CCDC83: variants seen among roughly 807,000 people sequenced by gnomAD.
CCDC83 encodes coiled-coil domain containing 83.
Under a neutral mutation model 50.1 loss-of-function variants are expected in CCDC83, and 54 were observed. That is an observed-to-expected ratio of 1.08 (90% CI 0.87 to 1.35). The LOEUF (loss-of-function observed/expected upper bound fraction) is 1.35, where lower values mean the gene tolerates loss of function less well. Among genes scored for constraint, CCDC83 ranks in the 40% most tolerant of loss-of-function variants. The pLI is 0.00. For missense variants in CCDC83, 518 were observed against 473.9 expected (o/e 1.09, Z -0.86); for synonymous variants, 161 against 153.3 (o/e 1.05, Z -0.37).
chr11:85,912,669 G>C, intron 8 of CCDC83: 1 of 1,609,146 alleles, frequency 6.2e-7, no homozygotes, highest in Non-Finnish European at 8.5e-7. Context: ...CTACATTCCT[G>C]TCCCACCTCT....
chr11:85,859,143 A>C (rs1044582117), intron 1 of CCDC83, among the ~76,000 whole-genome samples: 7 of 149,764 alleles, frequency 4.7e-5, no homozygotes, highest in Non-Finnish European at 1.0e-4. Flanking sequence ...TGGGTAAATA[A>C]AAATCTTGGT....
intron 6 of CCDC83, among the ~76,000 whole-genome samples, chr11:85,896,924 T>C (rs537058103): frequency 6.6e-5 from 10 of 152,352 alleles, no homozygotes; most frequent in South Asian, 2.1e-4. Context: ...GTTGCTGTTA[T>C]TGGTTGCATC....
intron 1 of CCDC83, among the ~76,000 whole-genome samples, chr11:85,857,348 A>G (rs576014011): frequency 1.3e-5 from 2 of 152,388 alleles, no homozygotes; most frequent in East Asian, 3.9e-4. Context: ...ACCATGAGGC[A>G]GCTGCCATTG....
intron 5 of CCDC83, among the ~76,000 whole-genome samples, chr11:85,886,741 T>C (rs115086827): frequency 0.016 from 2,474 of 152,060 alleles, 67 homozygotes; most frequent in African/African-American, 0.055. Flanking sequence ...AGTGAGACCA[T>C]ATCTCTACAA....
Position 85,886,348 on chromosome 11 carries a change from G to A in CCDC83, c.492G>A (p.Glu164=). 6.3e-7 allele frequency: 1 copy of A among 1,591,106 alleles called. No individual in the cohort carries two copies. The highest frequency in any genetic ancestry group is 8.5e-7 in the Non-Finnish European group (1 of 1,172,134). ...AAAATGACATCAACACAGTTAAAGA[G>A]AATGCAGAGAAAATGTCAGGTCAGT... ...SLQNDINTVK[E]NAEKMSEHYK... is the part of the protein sequence containing the mutation. The change falls in exon 5 of 11, where the codon GAG becomes GAA. Residue 164 remains glutamate (E), a synonymous_variant. Transcript: ENST00000342404.
In CCDC83 at chr11:85,911,399, C is replaced by G. The variant is rs747360405; in HGVS notation, c.791C>G (p.Pro264Arg). ...TGTAGACTTGTGGATCTCAAGATAC[C>G]CAGGTGAAAATTGTTAATATATAGA... is the stretch of plus-strand genomic sequence containing the variant. ...SNCRLVDLKI[P>R]RRLYLTQAAG... is the part of the protein sequence containing the mutation. Residue 264 changes from proline (P) to arginine (R), a missense_variant, in exon 8 of 11, where the codon CCC becomes CGC. Pro to Arg is a moderately radical substitution (Grantham distance 103, BLOSUM62 -2). Transcript: ENST00000342404. 4.4e-6 allele frequency: 7 copies of G among 1,581,188 alleles called. No individual in the cohort carries two copies. The highest frequency in any genetic ancestry group is 6.0e-6 in the Non-Finnish European group (7 of 1,166,000).
At chr11:85,858,244 A>G (rs1247753760) in intron 1 of CCDC83, among the ~76,000 whole-genome samples, 25 of 152,160 alleles carry the variant, frequency 1.6e-4, no homozygotes, top group Admixed American at 1.6e-3. Flanking sequence ...TTCCTGCCCA[A>G]GAAGCTGAAT....
intron 7 of CCDC83, among the ~76,000 whole-genome samples, chr11:85,910,297 G>A (rs758172895): frequency 3.9e-5 from 6 of 152,196 alleles, no homozygotes; most frequent in Non-Finnish European, 5.9e-5. Context: ...ATCCTTGAAG[G>A]TTACTACACC....
intron 7 of CCDC83, among the ~76,000 whole-genome samples, chr11:85,910,954 C>T (rs2093450725): frequency 1.3e-5 from 2 of 152,014 alleles, no homozygotes; most frequent in African/African-American, 4.8e-5. Flanking sequence ...GGCAGATCAC[C>T]TGAGGTCAGG....
chr11:85,874,512 C>A (rs1205602859), intron 3 of CCDC83, among the ~76,000 whole-genome samples: 3 of 152,206 alleles, frequency 2.0e-5, no homozygotes, highest in African/African-American at 7.2e-5. Flanking sequence ...TTAGTGGACC[C>A]AGCAGTGAGG....
At chr11:85,878,431 C>A (rs2135020083) in intron 3 of CCDC83, among the ~76,000 whole-genome samples, 1 of 152,304 alleles carries the variant, frequency 6.6e-6, no homozygotes, top group African/African-American at 2.4e-5. Context: ...TGGAATCATA[C>A]AATAAGTAAC....
intron 5 of CCDC83, among the ~76,000 whole-genome samples, chr11:85,894,081 C>A (rs771284296): frequency 2.8e-4 from 42 of 152,062 alleles, no homozygotes; most frequent in Non-Finnish European, 5.0e-4. Flanking sequence ...AAATAAAGTG[C>A]ATATGTAATG....
chr11:85,886,425 A>G (rs2093327352), intron 5 of CCDC83, 58 bp downstream of exon 5: 8 of 1,384,174 alleles, frequency 5.8e-6, no homozygotes, highest in Admixed American at 2.5e-5. Flanking sequence ...TAGGGCATAC[A>G]TTGATGGAAG....
intron 6 of CCDC83, among the ~76,000 whole-genome samples, chr11:85,895,853 G>T (rs547153375): frequency 3.8e-4 from 58 of 152,008 alleles, no homozygotes; most frequent in Admixed American, 3.7e-3. Flanking sequence ...TTGCTCTGTC[G>T]CCCAGGCTGG....
At chr11:85,883,386 A>T (rs894893579) in intron 4 of CCDC83, among the ~76,000 whole-genome samples, 3 of 152,052 alleles carry the variant, frequency 2.0e-5, no homozygotes, top group Admixed American at 6.6e-5. Flanking sequence ...AAACCATGAA[A>T]AATGTTTCTC....
At chr11:85,898,803 C>T (rs192176657) in intron 6 of CCDC83, 144 bp from the exon 7 acceptor site, 2 of 656,514 alleles carry the variant, frequency 3.0e-6, no homozygotes, top group Admixed American at 5.8e-5. Flanking sequence ...GAATGAACAA[C>T]CAAACCAAAA....
intron 3 of CCDC83, among the ~76,000 whole-genome samples, chr11:85,875,481 T>C (rs941216450): frequency 6.6e-6 from 1 of 152,264 alleles, no homozygotes; most frequent in African/African-American, 2.4e-5. Context: ...CCTTTACTCA[T>C]GCTGTTTCCT....
At chr11:85,887,091 C>T (rs1477310785) in intron 5 of CCDC83, among the ~76,000 whole-genome samples, 2 of 151,992 alleles carry the variant, frequency 1.3e-5, no homozygotes, top group Non-Finnish European at 2.9e-5. Context: ...CATGGAGAAA[C>T]GTCAAAGTCA....
At chr11:85,884,949 A>G (rs7105086) in intron 4 of CCDC83, among the ~76,000 whole-genome samples, 87,752 of 152,064 alleles carry the variant, frequency 0.58, 25,652 homozygotes, top group African/African-American at 0.61. Flanking sequence ...GGTGACTCAT[A>G]CCTGTAATCC....
Sources: allele counts gnomAD v4.1 joint callset (sites outside exome capture counted in the v4.1 genomes callset), GRCh38; gene constraint gnomAD v4.1.1; transcripts MANE v1.5; gene names NCBI Gene and HGNC (gene_info 2026-07-23, HGNC 2026-07-21).